The following NRG3 variants were observed in gnomAD, a reference collection of about 807,000 sequenced individuals.
NRG3 encodes pro-neuregulin-3, membrane-bound isoform.
A neutral mutation model predicts 66.9 loss-of-function variants in NRG3; 31 were observed. That is an observed-to-expected ratio of 0.46 (90% CI 0.35 to 0.63). The LOEUF (loss-of-function observed/expected upper bound fraction) is 0.63, where lower values mean the gene tolerates loss of function less well. NRG3 is among the 20% of genes least tolerant of loss of function. The probability of loss-of-function intolerance (pLI) is 0.00; values close to 1 mark genes in which losing one functional copy is unlikely to be tolerated. For synonymous variants in NRG3, 393 were observed against 359.4 expected, an observed-to-expected ratio of 1.09 and a Z score of -1.06; for missense variants, 910 against 878.9, an observed-to-expected ratio of 1.04 and a Z score of -0.45.
At chr10:82,292,992 C>T (rs2079835324) in intron 1 of NRG3, among the ~76,000 whole-genome samples, 2 of 152,110 alleles carry the variant, frequency 1.3e-5, no homozygotes, top group South Asian at 4.1e-4. Flanking sequence ...CTAGGTAGAG[C>T]TACATGGGAT....
intron 1 of NRG3, among the ~76,000 whole-genome samples, chr10:82,088,599 A>G (rs1295350588): frequency 6.6e-6 from 1 of 152,148 alleles, no homozygotes; most frequent in East Asian, 1.9e-4. Flanking sequence ...TTTTGAATGC[A>G]CAGGCTGTGA....
At chr10:82,455,803 A>G (rs1263689585) in intron 2 of NRG3, among the ~76,000 whole-genome samples, 1 of 151,966 alleles carries the variant, frequency 6.6e-6, no homozygotes, top group Non-Finnish European at 1.5e-5. Context: ...TATTTTTAGT[A>G]GAGATGGGGT....
intron 6 of NRG3, 131 bp downstream of exon 6, chr10:82,959,206 A>G (rs531289715): frequency 1.3e-5 from 14 of 1,051,616 alleles, no homozygotes; most frequent in Non-Finnish European, 1.8e-5. Context: ...AATCGTTTTA[A>G]CAGTTCTGGG....
At chr10:82,883,999 C>T (rs971794052) in intron 4 of NRG3, among the ~76,000 whole-genome samples, 1 of 151,214 alleles carries the variant, frequency 6.6e-6, no homozygotes, top group African/African-American at 2.4e-5. Context: ...TGATACTATG[C>T]AATTCTGTCT....
chr10:82,009,844 CTCAG>C (rs1430130780), intron 1 of NRG3, among the ~76,000 whole-genome samples: 1 of 152,162 alleles, frequency 6.6e-6, no homozygotes, highest in African/African-American at 2.4e-5. Flanking sequence ...CTGACAGCTC[CTCAG>C]TCAGTATAGA....
chr10:82,508,683 T>C (rs945957410), intron 2 of NRG3, among the ~76,000 whole-genome samples: 3 of 152,208 alleles, frequency 2.0e-5, no homozygotes, highest in Non-Finnish European at 4.4e-5. Flanking sequence ...ATTCAAAGCA[T>C]AGACTTTATC....
chr10:82,376,166 G>A (rs1490366248), intron 2 of NRG3, among the ~76,000 whole-genome samples: 1 of 152,136 alleles, frequency 6.6e-6, no homozygotes, highest in East Asian at 1.9e-4. Flanking sequence ...CGCTGAACGT[G>A]CGTCTGGCCT....
intron 2 of NRG3, among the ~76,000 whole-genome samples, chr10:82,362,362 TG>T (rs1392253476): frequency 1.3e-5 from 2 of 149,810 alleles, no homozygotes; most frequent in African/African-American, 4.9e-5. Flanking sequence ...TGTGTGTGTG[TG>T]TGTGTGTGTG....
chr10:82,093,390 TC>T (rs2066146200), intron 1 of NRG3, among the ~76,000 whole-genome samples: 1 of 152,218 alleles, frequency 6.6e-6, no homozygotes, highest in Non-Finnish European at 1.5e-5. Context: ...ATCTTGCACC[TC>T]AGGTGCCAAT....
At chr10:82,881,284 G>A (rs1257541285) in intron 4 of NRG3, among the ~76,000 whole-genome samples, 1 of 152,174 alleles carries the variant, frequency 6.6e-6, no homozygotes, top group East Asian at 1.9e-4. Flanking sequence ...AAAACAAATA[G>A]CAGCATGCTA....
intron 2 of NRG3, among the ~76,000 whole-genome samples, chr10:82,644,049 T>C (rs1460400605): frequency 2.6e-5 from 4 of 152,186 alleles, no homozygotes; most frequent in Non-Finnish European, 4.4e-5. Flanking sequence ...CCTTTTGCTT[T>C]GGCTGGTCTG....
chr10:82,984,680 TG>T, intron 8 of NRG3: 1 of 1,183,770 alleles, frequency 8.4e-7, no homozygotes, highest in Non-Finnish European at 1.2e-6. Flanking sequence ...GCTGAGAGGG[TG>T]GTCGAGTTGA....
chr10:82,426,741 C>G (rs1365359335), intron 2 of NRG3, among the ~76,000 whole-genome samples: 1 of 151,662 alleles, frequency 6.6e-6, no homozygotes, highest in African/African-American at 2.4e-5. Flanking sequence ...TTAAGTGATT[C>G]TCCAGCCTCA....
At chr10:82,808,614 G>T (rs566244968) in intron 3 of NRG3, among the ~76,000 whole-genome samples, 4 of 151,940 alleles carry the variant, frequency 2.6e-5, no homozygotes, top group Non-Finnish European at 5.9e-5. Context: ...TTATTTTTTA[G>T]AAATACTTCA....
intron 1 of NRG3, among the ~76,000 whole-genome samples, chr10:81,890,924 A>G (rs745352180): frequency 7.1e-4 from 108 of 152,196 alleles, no homozygotes; most frequent in Non-Finnish European, 1.3e-3. Flanking sequence ...CCCAGATGTT[A>G]TTACATTGCC....
At chr10:82,071,547 G>A (rs958640949) in intron 1 of NRG3, among the ~76,000 whole-genome samples, 4 of 152,274 alleles carry the variant, frequency 2.6e-5, no homozygotes. Flanking sequence ...CAGCAGAAGG[G>A]ACACTGTTGC....
At chr10:82,218,062 A>G (rs1445962630) in intron 1 of NRG3, among the ~76,000 whole-genome samples, 1 of 152,170 alleles carries the variant, frequency 6.6e-6, no homozygotes, top group Admixed American at 6.5e-5. Flanking sequence ...AAGAAAATAC[A>G]TTTTTTGAAA....
intron 1 of NRG3, among the ~76,000 whole-genome samples, chr10:82,150,149 C>G (rs768733370): frequency 3.3e-5 from 5 of 152,114 alleles, no homozygotes; most frequent in Non-Finnish European, 7.3e-5. Context: ...CCTCCAGGAG[C>G]CTCCGGGACC....
intron 1 of NRG3, among the ~76,000 whole-genome samples, chr10:81,970,871 G>A (rs1564700715): frequency 6.6e-6 from 1 of 152,208 alleles, no homozygotes; most frequent in Non-Finnish European, 1.5e-5. Context: ...TGGGCGTGGT[G>A]ACTCATGCCT....
Sources: gnomAD v4.1 joint callset for allele counts (sites outside exome capture counted in the v4.1 genomes callset) on GRCh38, gnomAD v4.1.1 for gene constraint, MANE v1.5 for transcripts, NCBI Gene and HGNC (gene_info 2026-07-23, HGNC 2026-07-21) for gene names.